Variants in HEYL observed in about 807,000 individuals in gnomAD.
HEYL encodes the protein hes related family bHLH transcription factor with YRPW motif like, also known as hairy/enhancer-of-split related with YRPW motif-like protein.
A neutral mutation model predicts 18.6 loss-of-function variants in HEYL; 12 were observed. The observed-to-expected ratio is 0.65, with a 90% CI of 0.41 to 1.05. The LOEUF is 1.05. Ranked by LOEUF, HEYL falls within the 50% of genes least tolerant of loss-of-function variation. The probability of loss-of-function intolerance (pLI) is 0.00; values close to 1 mark genes in which losing one functional copy is unlikely to be tolerated. For synonymous variants in HEYL, 159 were observed against 179.6 expected, an observed-to-expected ratio of 0.89 and a Z score of 0.91; for missense variants, 420 against 444.7, an observed-to-expected ratio of 0.94 and a Z score of 0.50.
Position 39,632,758 on chromosome 1 carries a change from A to C in HEYL, c.81-43T>G, listed in dbSNP as rs946119714. ...AGCTGATTTTTCAGGGCTGGGGGACAGTCTCCCCGGCCTGGGCCGACCTCG... is the reference window on the plus strand; with the variant it reads ...AGCTGATTTTTCAGGGCTGGGGGACCGTCTCCCCGGCCTGGGCCGACCTCG... On this transcript the variant is annotated intron_variant, in intron 1 of 4. Coordinates refer to ENST00000372852, the MANE Select transcript of HEYL (RefSeq NM_014571.4). The C allele has an allele frequency of 3.7e-6, 6 of 1,610,120 alleles. No individual in the cohort carries two copies. In the African/African-American group the frequency reaches 5.3e-5, roughly 14 times the overall value.
chr1:39,626,754 C>T lies in HEYL; in HGVS notation c.740G>A (p.Arg247Lys). 6.5e-7 allele frequency: 1 copy of T among 1,531,624 alleles called. No individual in the cohort carries two copies. The highest frequency in any genetic ancestry group is 1.2e-5 in the South Asian group (1 of 80,380). 94.9% of individuals were successfully genotyped at this position (1,531,624 alleles called of 1,614,324 possible). The part of the protein sequence containing the change: ...LPSRGASSTR[R>K]ARPLERPATP... ...CGCTGGCCTCTCTAGGGGGCGGGCC[C>T]TCCGGGTGGAAGATGCCCCTCGACT... Residue 247 changes from arginine (R) to lysine (K), a missense_variant, in exon 5 of 5, where the codon AGG becomes AAG. Physicochemically the swap from Arg to Lys is conservative, Grantham distance 26. Coordinates refer to ENST00000372852, the MANE Select transcript of HEYL (RefSeq NM_014571.4).
At chr1:39,632,859 C>G in intron 1 of HEYL, 144 bp from the exon 2 acceptor site, 1 of 1,502,148 alleles carries the variant, frequency 6.7e-7, no homozygotes, top group African/African-American at 1.4e-5. Flanking sequence ...CATTTCAACC[C>G]GGGTCAAGTC....
At chr1:39,633,018 T>C (rs1646343548) in intron 1 of HEYL, 1 of 967,882 alleles carries the variant, frequency 1.0e-6, no homozygotes, top group Non-Finnish European at 1.2e-6. Context: ...TGCAACCCGA[T>C]CCCCGGGGGC....
Position 39,626,372 on chromosome 1 carries a change from G to C in HEYL, c.*135C>G. 3 of 711,010 alleles carry C rather than the reference G, an allele frequency of 4.2e-6. No homozygotes were observed. Among genetic ancestry groups the C allele is most frequent in the Non-Finnish European group, 6.8e-6 (3 of 444,032 alleles). The allele number at this position is 711,010 out of a possible 1,614,324, so 44.0% of individuals were successfully genotyped here. A position where few individuals can be genotyped will look rare whatever the true frequency, so the allele number is the denominator to read the frequency against. ...GAGAGATGGGTTGGAGGAGGAGGGG[G>C]CCTCTGATGGCTGGAGAACGTGCCT... On this transcript the variant is annotated 3_prime_UTR_variant, in exon 5 of 5. Coordinates refer to ENST00000372852, the MANE Select transcript of HEYL (RefSeq NM_014571.4).
rs766635894 is a variant in HEYL at position 39,626,678 on chromosome 1, G to A, written c.816C>T (p.Ile272=). ...GGGAGGAAGACTGCAGGAGGGGAGCGATGTGGCTGCTCCTGGCAGCCCTGC... is the reference window on the plus strand; with the variant it reads ...GGGAGGAAGACTGCAGGAGGGGAGCAATGTGGCTGCTCCTGGCAGCCCTGC... ...PSSRAARSSH[I]APLLQSSSPT... is the part of the protein sequence containing the mutation. Residue 272 remains isoleucine (I), a synonymous_variant, in exon 5 of 5, where the codon ATC becomes ATT. Coordinates refer to ENST00000372852, the MANE Select transcript of HEYL (RefSeq NM_014571.4). 6.6e-6 allele frequency: 10 copies of A among 1,515,266 alleles called. No individual in the cohort carries two copies. Among genetic ancestry groups the A allele is most frequent in the East Asian group, 2.4e-5 (1 of 41,820 alleles). The allele number at this position is 1,515,266 out of a possible 1,614,324, so 93.9% of individuals were successfully genotyped here. A position where few individuals can be genotyped will look rare whatever the true frequency, so the allele number is the denominator to read the frequency against.
chr1:39,630,802 CT>C (rs1394364753), intron 3 of HEYL, among the ~76,000 whole-genome samples: 1 of 152,240 alleles, frequency 6.6e-6, no homozygotes. Context: ...CCTCTTTTCT[CT>C]CTTGGGAAAT....
chr1:39,626,495 T>A lies in HEYL; in HGVS notation c.*12A>T. 6.7e-7 allele frequency: 1 copy of A among 1,500,802 alleles called. No individual in the cohort carries two copies. Among genetic ancestry groups the A allele is most frequent in the Non-Finnish European group, 8.9e-7 (1 of 1,126,798 alleles). The allele number at this position is 1,500,802 out of a possible 1,614,324, so 93.0% of individuals were successfully genotyped here. A position where few individuals can be genotyped will look rare whatever the true frequency, so the allele number is the denominator to read the frequency against. On this transcript the variant is annotated 3_prime_UTR_variant, in exon 5 of 5. Coordinates refer to ENST00000372852, the MANE Select transcript of HEYL (RefSeq NM_014571.4). ...TTCCTTATTCCTTGGGGCGGGGTGGTGAAGGGGCAGCTCAGAAAGCCCCGA... is the reference window on the plus strand; with the variant it reads ...TTCCTTATTCCTTGGGGCGGGGTGGAGAAGGGGCAGCTCAGAAAGCCCCGA...
chr1:39,627,289 GC>G, intron 4 of HEYL, 109 bp from the exon 5 acceptor site: 1 of 995,882 alleles, frequency 1.0e-6, no homozygotes, highest in South Asian at 1.7e-5. Context: ...TCCCTGGGCA[GC>G]CGTGGCCATG....
Position 39,627,013 on chromosome 1 carries a change from C to T in HEYL, c.481G>A (p.Glu161Lys). Reference sequence around the variant, plus strand: ...GGGCCAGTGGGCGTGGGCGAAGGCTCCATCTCGGCTGCGTAGCTGTTGAGG... The same window carrying T: ...GGGCCAGTGGGCGTGGGCGAAGGCTTCATCTCGGCTGCGTAGCTGTTGAGG... ...SHLNSYAAEMEPSPTPTGPLA... is the reference protein window; with the variant it reads ...SHLNSYAAEMKPSPTPTGPLA... Residue 161 changes from glutamate to lysine, a missense_variant, in exon 5 of 5, where the codon GAG becomes AAG. Transcript: ENST00000372852. The T allele has an allele frequency of 1.9e-6, 3 of 1,614,158 alleles. No homozygotes were observed. Among genetic ancestry groups the T allele is most frequent in the Non-Finnish European group, 2.5e-6 (3 of 1,180,002 alleles).
intron 2 of HEYL, 58 bp downstream of exon 2, chr1:39,632,591 G>A: frequency 2.7e-6 from 4 of 1,483,954 alleles, no homozygotes; most frequent in Non-Finnish European, 3.7e-6. Flanking sequence ...CCGCCAGACT[G>A]CAGGGGATTC....
chr1:39,632,334 T>C lies in HEYL; in HGVS notation c.147+315A>G, dbSNP rs1400388912. Among the ~76,000 whole-genome samples, 3 of 152,236 alleles carry C rather than the reference T, an allele frequency of 2.0e-5. No homozygotes were observed. In the East Asian group the frequency reaches 5.8e-4, roughly 29 times the overall value. On this transcript the variant is annotated intron_variant, in intron 2 of 4. Coordinates refer to ENST00000372852, the MANE Select transcript of HEYL (RefSeq NM_014571.4). The stretch of plus-strand genomic sequence containing the variant: ...CTGGACTCAGAGAGGAGACAGAAGA[T>C]AGGAACAACAATCATAATGGCCTAT...
intron 1 of HEYL, chr1:39,632,924 G>T: frequency 1.0e-6 from 1 of 985,242 alleles, no homozygotes; most frequent in Non-Finnish European, 1.2e-6. Context: ...GCTCGGCCTC[G>T]CCCTTCGCCC....
At chr1:39,631,461 G>A (rs1215845844) in intron 3 of HEYL, 35 bp downstream of exon 3, 1 of 1,583,618 alleles carries the variant, frequency 6.3e-7, no homozygotes, top group Non-Finnish European at 8.7e-7. Flanking sequence ...CACCCACACA[G>A]TATTTCCTCT....
At chr1:39,628,298 G>A (rs1195996648) in intron 4 of HEYL, among the ~76,000 whole-genome samples, 2 of 151,386 alleles carry the variant, frequency 1.3e-5, no homozygotes, top group Non-Finnish European at 2.9e-5. Context: ...TATTTTTTTT[G>A]AGATGGAGTC....
chr1:39,626,641 C>G lies in HEYL; in HGVS notation c.853G>C (p.Gly285Arg), dbSNP rs1173544677. 20 of 1,538,684 alleles carry G rather than the reference C, an allele frequency of 1.3e-5. No homozygotes were observed. The highest frequency in any genetic ancestry group is 1.7e-5 in the Non-Finnish European group (20 of 1,144,678). ...ACGTAAGCAGCCGACCCTGTAGGAC[C>G]AGGGGGTGTTGGGGAGGAAGACTGC... ...LLQSSSPTPP[G>R]PTGSAAYVAV... The change falls in exon 5 of 5, where the codon GGT becomes CGT. Residue 285 changes from glycine to arginine, a missense_variant. Coordinates refer to ENST00000372852, the MANE Select transcript of HEYL (RefSeq NM_014571.4).
intron 1 of HEYL, among the ~76,000 whole-genome samples, chr1:39,636,231 G>C (rs1646361925): frequency 6.6e-6 from 1 of 151,456 alleles, no homozygotes; most frequent in African/African-American, 2.4e-5. Flanking sequence ...AGGAAAATCG[G>C]AACTACAGCC....
intron 4 of HEYL, among the ~76,000 whole-genome samples, chr1:39,629,087 C>A (rs1342651056): frequency 6.6e-6 from 1 of 152,206 alleles, no homozygotes; most frequent in African/African-American, 2.4e-5. Flanking sequence ...AAATCTAAAG[C>A]CTATACCGTG....
intron 1 of HEYL, chr1:39,633,075 G>T: frequency 2.6e-5 from 26 of 982,482 alleles, no homozygotes; most frequent in Non-Finnish European, 3.0e-5. Context: ...TGGGCCGGGC[G>T]GGTTGGGTTT....
At chr1:39,630,880 A>G (rs1357763843) in intron 3 of HEYL, among the ~76,000 whole-genome samples, 5 of 152,222 alleles carry the variant, frequency 3.3e-5, no homozygotes, top group Non-Finnish European at 7.3e-5. Flanking sequence ...GAGGGCAGAT[A>G]CTAGGTCTAG....
Sources: gnomAD v4.1 joint callset for allele counts (sites outside exome capture counted in the v4.1 genomes callset) on GRCh38, gnomAD v4.1.1 for gene constraint, MANE v1.5 for transcripts, NCBI Gene and HGNC (gene_info 2026-07-23, HGNC 2026-07-21) for gene names.